DISC1: variants seen among roughly 807,000 people sequenced by gnomAD.
DISC1 encodes the protein DISC1 scaffold protein.
Under a neutral mutation model 84.5 loss-of-function variants are expected in DISC1, and 57 were observed. The observed-to-expected ratio is 0.67, with a 90% CI of 0.55 to 0.84. The LOEUF (loss-of-function observed/expected upper bound fraction) is 0.84. Among genes scored for constraint, DISC1 ranks in the 40% least tolerant of loss-of-function variants. The pLI is 0.00. For missense variants in DISC1, 1,000 were observed against 1,057.8 expected, an observed-to-expected ratio of 0.95 and a Z score of 0.76; for synonymous variants, 411 against 415.2, an observed-to-expected ratio of 0.99 and a Z score of 0.12.
intron 10 of DISC1, among the ~76,000 whole-genome samples, chr1:231,973,978 G>A (rs1176236598): frequency 1.3e-5 from 2 of 152,078 alleles, no homozygotes; most frequent in Admixed American, 1.3e-4. Context: ...AGCTGTGGCT[G>A]TTTTTGTGGT....
At chr1:231,944,450 G>A (rs867634050) in intron 9 of DISC1, among the ~76,000 whole-genome samples, 2 of 152,136 alleles carry the variant, frequency 1.3e-5, no homozygotes, top group South Asian at 2.1e-4. Context: ...TCGGAAGAAG[G>A]GCTCCTTGGC....
chr1:231,945,864 A>C (rs1657080348), intron 9 of DISC1, among the ~76,000 whole-genome samples: 1 of 152,238 alleles, frequency 6.6e-6, no homozygotes, highest in Admixed American at 6.5e-5. Flanking sequence ...AAAATCTGGA[A>C]GAAATGGATA....
chr1:231,990,041 C>G (rs138068139), intron 10 of DISC1, among the ~76,000 whole-genome samples: 1 of 152,286 alleles, frequency 6.6e-6, no homozygotes, highest in Non-Finnish European at 1.5e-5. Flanking sequence ...TCCTCCCCTA[C>G]TGGTTCTGCA....
chr1:231,725,660 G>A (rs544930150), intron 3 of DISC1, among the ~76,000 whole-genome samples: 17 of 152,342 alleles, frequency 1.1e-4, no homozygotes, highest in Admixed American at 9.8e-4. Flanking sequence ...ACACCACCAG[G>A]TCGCCCTTGA....
At chr1:231,964,267 G>T (rs1254794838) in intron 10 of DISC1, among the ~76,000 whole-genome samples, 1 of 152,152 alleles carries the variant, frequency 6.6e-6, no homozygotes. Flanking sequence ...CAAATAATTT[G>T]TAAACATCCT....
intron 9 of DISC1, among the ~76,000 whole-genome samples, chr1:231,852,668 A>G (rs12751370): frequency 0.33 from 50,242 of 152,138 alleles, 8,733 homozygotes; most frequent in East Asian, 0.41. Context: ...TTATTTTGCA[A>G]TTGAGGTTCC....
At chr1:231,824,991 A>G (rs2125791673) in intron 9 of DISC1, among the ~76,000 whole-genome samples, 1 of 152,314 alleles carries the variant, frequency 6.6e-6, no homozygotes, top group African/African-American at 2.4e-5. Context: ...CTCATGGTCC[A>G]GAGATGAATT....
chr1:231,650,956 C>A (rs1057258488), intron 1 of DISC1, among the ~76,000 whole-genome samples: 1 of 152,102 alleles, frequency 6.6e-6, no homozygotes, highest in Non-Finnish European at 1.5e-5. Flanking sequence ...TCTAGTTAGC[C>A]ATTTGTCTAA....
At chr1:232,023,581 A>G (rs1669168841) in intron 11 of DISC1, among the ~76,000 whole-genome samples, 1 of 152,214 alleles carries the variant, frequency 6.6e-6, no homozygotes, top group South Asian at 2.1e-4. Flanking sequence ...TGCCATTACT[A>G]TCAATCTGCA....
intron 1 of DISC1, among the ~76,000 whole-genome samples, chr1:231,643,425 A>G (rs999752754): frequency 6.6e-6 from 1 of 152,222 alleles, no homozygotes; most frequent in African/African-American, 2.4e-5. Flanking sequence ...CACACTGTAT[A>G]CACGGTGTGG....
chr1:232,020,778 T>C (rs2103027967), intron 11 of DISC1, among the ~76,000 whole-genome samples: 1 of 152,346 alleles, frequency 6.6e-6, no homozygotes, highest in African/African-American at 2.4e-5. Flanking sequence ...CTTTATTTAC[T>C]TATTTATTTA....
chr1:232,009,271 G>A lies in DISC1; in HGVS notation c.2307+222G>A, dbSNP rs575223569. On this transcript the variant is annotated intron_variant, in intron 11 of 12. Transcript: ENST00000439617. The surrounding 1 kb of genome is among the most constrained non-coding windows in gnomAD (Gnocchi z 4.6). The stretch of plus-strand genomic sequence containing the variant: ...AAAAACCCAACTTTTGGCATATTTA[G>A]TTCCATTTTCATTCTAATTTAGTGG... 2 of 1,345,554 alleles carry A rather than the reference G, an allele frequency of 1.5e-6. No individual in the cohort carries two copies. The highest frequency in any genetic ancestry group is 3.2e-5 in the Admixed American group (1 of 31,524). The allele number at this position is 1,345,554 out of a possible 1,614,324, so 83.4% of individuals were successfully genotyped here.
chr1:232,004,618 A>G (rs948550062), intron 10 of DISC1, among the ~76,000 whole-genome samples: 1 of 152,230 alleles, frequency 6.6e-6, no homozygotes, highest in Non-Finnish European at 1.5e-5. Flanking sequence ...CCGAGAAAGA[A>G]GCAAATAGGC....
chr1:231,696,861 A>T (rs947482460), intron 2 of DISC1, among the ~76,000 whole-genome samples: 3 of 152,260 alleles, frequency 2.0e-5, no homozygotes, highest in African/African-American at 7.2e-5. Flanking sequence ...CGATGTTCAC[A>T]CAATGATGAA....
At chr1:231,830,097 T>C (rs915118655) in intron 9 of DISC1, among the ~76,000 whole-genome samples, 2 of 152,062 alleles carry the variant, frequency 1.3e-5, no homozygotes, top group African/African-American at 4.8e-5. Context: ...CCTGTCTTCT[T>C]ATATTAATAA....
intron 9 of DISC1, chr1:231,866,841 T>C (rs998325051): frequency 1.2e-5 from 9 of 762,876 alleles, no homozygotes; most frequent in African/African-American, 1.8e-5. Flanking sequence ...GTCATTGCGG[T>C]TCTCTGAACA....
chr1:231,710,052 A>T (rs1257966870), intron 3 of DISC1, among the ~76,000 whole-genome samples: 2 of 152,082 alleles, frequency 1.3e-5, no homozygotes, highest in Non-Finnish European at 2.9e-5. Flanking sequence ...TGAGGCAGTG[A>T]CTTCGATCAT....
intron 10 of DISC1, among the ~76,000 whole-genome samples, chr1:231,977,010 CAG>C (rs1375538617): frequency 1.3e-5 from 2 of 152,150 alleles, no homozygotes; most frequent in African/African-American, 4.8e-5. Flanking sequence ...AACTGGGACT[CAG>C]AGAGATTCAG....
Position 231,806,435 on chromosome 1 carries a change from G to A in DISC1, c.1792+6225G>A, listed in dbSNP as rs550050571. ...GTTTTTTTGTTTGGTTTTCAGCTCC[G>A]AGTTCAAAAGCCTGGGAGACCTGCT... On this transcript the variant is annotated intron_variant, in intron 8 of 12. Transcript: ENST00000439617. Among the ~76,000 whole-genome samples the A allele has an allele frequency of 2.6e-5, 4 of 152,266 alleles. No individual in the cohort carries two copies. The East Asian group carries it at 5.8e-4, about 22-fold the overall frequency.
Sources: allele counts gnomAD v4.1 joint callset (sites outside exome capture counted in the v4.1 genomes callset), GRCh38; gene constraint gnomAD v4.1.1; non-coding constraint Gnocchi (gnomAD v3.1); transcripts MANE v1.5; gene names NCBI Gene and HGNC (gene_info 2026-07-23, HGNC 2026-07-21).